CTNNA3: variants seen among roughly 807,000 people sequenced by gnomAD.
CTNNA3 encodes catenin alpha 3.
CTNNA3 carries 76 observed loss-of-function variants against 95.7 expected under a neutral mutation model. The observed-to-expected ratio is 0.79, with a 90% CI of 0.66 to 0.96. The LOEUF (loss-of-function observed/expected upper bound fraction) is 0.96. CTNNA3 is among the 40% of genes least tolerant of loss of function. CTNNA3 has a pLI of 0.00. For synonymous variants in CTNNA3, 431 were observed against 374.4 expected (o/e 1.15, Z -1.74); for missense variants, 1,191 against 1,089.8 (o/e 1.09, Z -1.31).
chr10:66,914,173 C>T (rs879903244), intron 7 of CTNNA3, among the ~76,000 whole-genome samples: 7 of 149,490 alleles, frequency 4.7e-5, no homozygotes, highest in Non-Finnish European at 1.0e-4. Context: ...CTCTGTCCCC[C>T]AGGCTGGAGT....
intron 16 of CTNNA3, among the ~76,000 whole-genome samples, chr10:65,981,052 T>A (rs1234018758): frequency 6.6e-6 from 1 of 152,066 alleles, no homozygotes; most frequent in African/African-American, 2.4e-5. Context: ...GAAGTCAAAC[T>A]GTTGCTGTTT....
At chr10:67,713,953 TAAA>T (rs113131998) in intron 1 of CTNNA3, among the ~76,000 whole-genome samples, 16,308 of 144,002 alleles carry the variant, frequency 0.11, 1,158 homozygotes, top group African/African-American at 0.22. Flanking sequence ...AAAGTAAAAT[TAAA>T]AAAAAAAAAG....
intron 5 of CTNNA3, among the ~76,000 whole-genome samples, chr10:67,511,260 G>C (rs1274625311): frequency 6.6e-6 from 1 of 152,200 alleles, no homozygotes; most frequent in Non-Finnish European, 1.5e-5. Context: ...GGGCATCCCT[G>C]TCTTGTGCCA....
intron 11 of CTNNA3, among the ~76,000 whole-genome samples, chr10:66,413,981 T>A (rs1036543759): frequency 2.6e-5 from 4 of 152,194 alleles, no homozygotes; most frequent in Admixed American, 1.3e-4. Flanking sequence ...ACAGATAAAT[T>A]CTACTACTTG....
intron 8 of CTNNA3, among the ~76,000 whole-genome samples, chr10:66,774,590 G>T: frequency 6.6e-6 from 1 of 151,874 alleles, no homozygotes; most frequent in East Asian, 1.9e-4. Context: ...CCAAATCTAC[G>T]TCCAAATTAA....
chr10:67,401,681 T>G (rs1844930458), intron 5 of CTNNA3, among the ~76,000 whole-genome samples: 1 of 152,164 alleles, frequency 6.6e-6, no homozygotes, highest in Non-Finnish European at 1.5e-5. Context: ...GCAGACCTGA[T>G]GAGGGGGTCA....
chr10:66,617,170 A>G (rs1236224441), intron 10 of CTNNA3, among the ~76,000 whole-genome samples: 2 of 152,070 alleles, frequency 1.3e-5, no homozygotes, highest in African/African-American at 2.4e-5. Flanking sequence ...AATATAAAAT[A>G]TAACTTCAGG....
At chr10:66,448,493 A>G (rs1016749514) in intron 11 of CTNNA3, among the ~76,000 whole-genome samples, 14 of 152,238 alleles carry the variant, frequency 9.2e-5, no homozygotes, top group African/African-American at 1.4e-4. Flanking sequence ...AATACTATGT[A>G]GCCATAAAAA....
chr10:67,116,545 C>A (rs1289028798), intron 7 of CTNNA3, among the ~76,000 whole-genome samples: 1 of 151,468 alleles, frequency 6.6e-6, no homozygotes, highest in East Asian at 1.9e-4. Flanking sequence ...TCCAAAATAG[C>A]TCAGATATCT....
chr10:67,676,601 G>C (rs1472505028), intron 1 of CTNNA3, among the ~76,000 whole-genome samples: 1 of 152,130 alleles, frequency 6.6e-6, no homozygotes, highest in Non-Finnish European at 1.5e-5. Flanking sequence ...GAAAGGCAGA[G>C]AAGTGGATTA....
At chr10:66,123,584 A>T (rs2082682192) in intron 13 of CTNNA3, among the ~76,000 whole-genome samples, 1 of 152,026 alleles carries the variant, frequency 6.6e-6, no homozygotes, top group Non-Finnish European at 1.5e-5. Flanking sequence ...AGGGGCTCTG[A>T]CCCCACATTT....
At chr10:67,105,518 T>C (rs1858582276) in intron 7 of CTNNA3, among the ~76,000 whole-genome samples, 1 of 152,134 alleles carries the variant, frequency 6.6e-6, no homozygotes, top group African/African-American at 2.4e-5. Context: ...ATTTTAAATA[T>C]ACTCCATCTG....
chr10:66,359,524 G>A (rs2092637106), intron 12 of CTNNA3, among the ~76,000 whole-genome samples: 1 of 152,026 alleles, frequency 6.6e-6, no homozygotes, highest in African/African-American at 2.4e-5. Flanking sequence ...TAAATGTTTA[G>A]TTCCAGGGTA....
At chr10:66,082,450 G>A (rs2080801853) in intron 14 of CTNNA3, among the ~76,000 whole-genome samples, 1 of 152,070 alleles carries the variant, frequency 6.6e-6, no homozygotes, top group Non-Finnish European at 1.5e-5. Context: ...CATAAGGGAA[G>A]ATTCAGGAAA....
intron 5 of CTNNA3, among the ~76,000 whole-genome samples, chr10:67,419,119 T>C (rs945494837): frequency 4.6e-5 from 7 of 152,168 alleles, no homozygotes; most frequent in Non-Finnish European, 7.4e-5. Flanking sequence ...GCTCCAGTGA[T>C]TGGTAAATTA....
intron 5 of CTNNA3, among the ~76,000 whole-genome samples, chr10:67,313,147 G>A (rs947938838): frequency 6.6e-6 from 1 of 151,970 alleles, no homozygotes; most frequent in East Asian, 1.9e-4. Context: ...ATAAATTATT[G>A]AAGTCTGTAC....
intron 3 of CTNNA3, among the ~76,000 whole-genome samples, chr10:67,602,914 T>C (rs1478331860): frequency 6.6e-6 from 1 of 152,210 alleles, no homozygotes; most frequent in Non-Finnish European, 1.5e-5. Flanking sequence ...TACAAAATTT[T>C]ATAATATAAA....
intron 17 of CTNNA3, among the ~76,000 whole-genome samples, chr10:65,955,372 C>T (rs2077707418): frequency 6.6e-6 from 1 of 152,062 alleles, no homozygotes; most frequent in Non-Finnish European, 1.5e-5. Flanking sequence ...AATTGAATAC[C>T]CTTTATTTTC....
At chr10:67,739,573 T>A (rs1484572684) in intron 1 of CTNNA3, among the ~76,000 whole-genome samples, 2 of 151,468 alleles carry the variant, frequency 1.3e-5, no homozygotes, top group Non-Finnish European at 2.9e-5. Flanking sequence ...TCAAAGAGAA[T>A]AAAATACCTA....
Sources: gnomAD v4.1 joint callset for allele counts (sites outside exome capture counted in the v4.1 genomes callset) on GRCh38, gnomAD v4.1.1 for gene constraint, MANE v1.5 for transcripts, NCBI Gene and HGNC (gene_info 2026-07-23, HGNC 2026-07-21) for gene names.